Variants in LMBR1 observed in about 807,000 individuals in gnomAD.
LMBR1 encodes the protein limb development membrane protein 1.
A neutral mutation model predicts 73.9 loss-of-function variants in LMBR1; 52 were observed. That is an observed-to-expected ratio of 0.70 (90% CI 0.56 to 0.89). The LOEUF is 0.89. Among genes scored for constraint, LMBR1 ranks in the 40% least tolerant of loss-of-function variants. The pLI is 0.00. For missense variants in LMBR1, 539 were observed against 579.8 expected (o/e 0.93, Z 0.72); for synonymous variants, 215 against 209.4 (o/e 1.03, Z -0.23).
chr7:156,877,479 A>G (rs1800348787), intron 1 of LMBR1, among the ~76,000 whole-genome samples: 2 of 152,210 alleles, frequency 1.3e-5, no homozygotes. Context: ...CTTGATGAAG[A>G]CAGATGCTAA....
chr7:156,692,265 T>C (rs919086983), intron 15 of LMBR1, among the ~76,000 whole-genome samples: 1 of 152,014 alleles, frequency 6.6e-6, no homozygotes, highest in African/African-American at 2.4e-5. Context: ...TTAGTAGAGA[T>C]GGGGTTTCAC....
chr7:156,726,738 T>C (rs563257546), intron 12 of LMBR1, among the ~76,000 whole-genome samples: 198 of 152,274 alleles, frequency 1.3e-3, no homozygotes, highest in Non-Finnish European at 2.1e-3. Context: ...GGACCTGGTA[T>C]TTGAGAAAAC....
chr7:156,762,541 A>G (rs1053732936), intron 7 of LMBR1, among the ~76,000 whole-genome samples: 30 of 152,242 alleles, frequency 2.0e-4, no homozygotes, highest in Non-Finnish European at 7.3e-5. Context: ...AATTTCAAGT[A>G]TTAATAGGAC....
chr7:156,739,293 T>C (rs1818461567), intron 9 of LMBR1, among the ~76,000 whole-genome samples: 1 of 152,122 alleles, frequency 6.6e-6, no homozygotes, highest in African/African-American at 2.4e-5. Context: ...GAACACCAAC[T>C]AGATTTCTAA....
intron 5 of LMBR1, among the ~76,000 whole-genome samples, chr7:156,776,240 T>C (rs747398645): frequency 1.3e-5 from 2 of 151,980 alleles, no homozygotes; most frequent in African/African-American, 2.4e-5. Context: ...GGAGTTCACA[T>C]ATCATTTGTG....
At chr7:156,710,050 G>A (rs979683541) in intron 15 of LMBR1, among the ~76,000 whole-genome samples, 2 of 151,752 alleles carry the variant, frequency 1.3e-5, no homozygotes, top group African/African-American at 2.4e-5. Context: ...GACTACAGGC[G>A]CCCGCCACCA....
intron 5 of LMBR1, among the ~76,000 whole-genome samples, chr7:156,773,118 A>T (rs1396173319): frequency 6.6e-6 from 1 of 152,166 alleles, no homozygotes; most frequent in Admixed American, 6.5e-5. Context: ...AAAATAAAAT[A>T]AAAACCTAGA....
rs1445486598 is a variant in LMBR1, at chr7:156,893,069, C to T, written c.-76G>A. On this transcript the variant is annotated 5_prime_UTR_variant, in exon 1 of 17. Coordinates refer to ENST00000353442, the MANE Select transcript of LMBR1 (RefSeq NM_022458.4). ...CCATCGTCCGCCCGCCGCAGGGGCTCGGACAGCCGCGCCGGGGACCGGAGC... is the reference window on the plus strand; with the variant it reads ...CCATCGTCCGCCCGCCGCAGGGGCTTGGACAGCCGCGCCGGGGACCGGAGC... 3 of 1,324,616 alleles carry T rather than the reference C, an allele frequency of 2.3e-6. No individual in the cohort carries two copies. The highest frequency in any genetic ancestry group is 1.9e-5 in the South Asian group (1 of 51,454). The allele number at this position is 1,324,616 out of a possible 1,614,324, so 82.1% of individuals were successfully genotyped here.
Position 156,708,162 on chromosome 7 carries a change from T to C in LMBR1, c.1225+15950A>G, listed in dbSNP as rs1016452927. 3.3e-5 allele frequency among the ~76,000 whole-genome samples: 5 copies of C among 151,994 alleles called. No individual in the cohort carries two copies. In the East Asian group the frequency reaches 9.6e-4, roughly 29 times the overall value. On this transcript the variant is annotated intron_variant, in intron 15 of 16. Coordinates refer to ENST00000353442, the MANE Select transcript of LMBR1 (RefSeq NM_022458.4). ...GGCAGGACTAATGTGCAGTTCCCAC[T>C]TGGAAGGACAGAACAGTGCGCGGAG...
At chr7:156,860,347 C>T (rs931003597) in intron 1 of LMBR1, among the ~76,000 whole-genome samples, 1 of 152,146 alleles carries the variant, frequency 6.6e-6, no homozygotes, top group Non-Finnish European at 1.5e-5. Flanking sequence ...ACCATCAGAT[C>T]TCATGAGACT....
At chr7:156,760,479 T>C (rs964040847) in intron 8 of LMBR1, among the ~76,000 whole-genome samples, 9 of 152,192 alleles carry the variant, frequency 5.9e-5, no homozygotes, top group South Asian at 2.1e-4. Flanking sequence ...AGAGCATTAA[T>C]AGAAATTTAG....
At chr7:156,874,345 C>T (rs1799829306) in intron 1 of LMBR1, among the ~76,000 whole-genome samples, 2 of 152,368 alleles carry the variant, frequency 1.3e-5, no homozygotes, top group Non-Finnish European at 2.9e-5. Flanking sequence ...AGCTGGCCCG[C>T]AAGCGCCACA....
At chr7:156,858,161 T>C (rs1178985917) in intron 1 of LMBR1, among the ~76,000 whole-genome samples, 2 of 147,466 alleles carry the variant, frequency 1.4e-5, no homozygotes, top group African/African-American at 5.0e-5. Context: ...AGCTGGTTCA[T>C]CAAAAAGTGC....
chr7:156,702,255 T>C (rs1463130033), intron 15 of LMBR1, among the ~76,000 whole-genome samples: 1 of 152,200 alleles, frequency 6.6e-6, no homozygotes, highest in Non-Finnish European at 1.5e-5. Context: ...TGTAAAAGTG[T>C]TCCTATTTCT....
intron 9 of LMBR1, among the ~76,000 whole-genome samples, chr7:156,743,029 T>C (rs1445900375): frequency 6.6e-6 from 1 of 152,146 alleles, no homozygotes; most frequent in Non-Finnish European, 1.5e-5. Flanking sequence ...TGAAAAGCAT[T>C]TGATAAAATT....
chr7:156,696,628 C>T (rs558260835), intron 15 of LMBR1, among the ~76,000 whole-genome samples: 16 of 152,174 alleles, frequency 1.1e-4, no homozygotes, highest in Non-Finnish European at 2.1e-4. Flanking sequence ...CTTTTGAAAA[C>T]CATCAGATCT....
intron 5 of LMBR1, among the ~76,000 whole-genome samples, chr7:156,794,681 C>T (rs1829800472): frequency 6.6e-6 from 1 of 152,128 alleles, no homozygotes; most frequent in Non-Finnish European, 1.5e-5. Context: ...ATAGTTCACA[C>T]CAAGCTTTAT....
At chr7:156,687,676 G>A (rs1015411881) in intron 16 of LMBR1, among the ~76,000 whole-genome samples, 3 of 152,142 alleles carry the variant, frequency 2.0e-5, no homozygotes, top group African/African-American at 2.4e-5. Flanking sequence ...ATTACCAAGA[G>A]ATAAGCTTTT....
rs73489750 is a variant in LMBR1, at chr7:156,730,130, C to T, written c.839-1410G>A. Among the ~76,000 whole-genome samples, 813 of 152,332 alleles carry T rather than the reference C, an allele frequency of 5.3e-3. 11 individuals are homozygous for T. Among genetic ancestry groups the T allele is most frequent in the African/African-American group, 0.019 (784 of 41,568 alleles). ...AACTCAACAGAGCCAAGAGGACAGA[C>T]ATTGGCATTTGGGGCTACCAATGCA... is the stretch of plus-strand genomic sequence containing the variant. On this transcript the variant is annotated intron_variant, in intron 10 of 16. Coordinates refer to ENST00000353442, the MANE Select transcript of LMBR1 (RefSeq NM_022458.4).
Sources: allele counts gnomAD v4.1 joint callset (sites outside exome capture counted in the v4.1 genomes callset), GRCh38; gene constraint gnomAD v4.1.1; transcripts MANE v1.5; gene names NCBI Gene and HGNC (gene_info 2026-07-23, HGNC 2026-07-21).